The following LRRC2 variants were observed in gnomAD, a reference collection of about 807,000 sequenced individuals.
The protein encoded by LRRC2 is leucine-rich repeat-containing protein 2.
In LRRC2, 27 loss-of-function variants were observed where a neutral mutation model predicts 40.2. That is an observed-to-expected ratio of 0.67 (90% CI 0.49 to 0.93). LRRC2 has a LOEUF of 0.93. LRRC2 is among the 40% of genes least tolerant of loss of function. LRRC2 has a pLI of 0.00. For missense variants in LRRC2, 402 were observed against 439.6 expected (o/e 0.91, Z 0.76); for synonymous variants, 147 against 158.9 (o/e 0.92, Z 0.56).
chr3:46,522,421 AAACG>A (rs1014430194), intron 7 of LRRC2, among the ~76,000 whole-genome samples: 6 of 118,342 alleles, frequency 5.1e-5, no homozygotes, highest in African/African-American at 9.3e-5. Flanking sequence ...ATAAATAAAC[AAACG>A]ATAGGACAGG....
intron 5 of LRRC2, among the ~76,000 whole-genome samples, chr3:46,531,051 C>A (rs964438319): frequency 4.0e-5 from 6 of 151,730 alleles, no homozygotes; most frequent in African/African-American, 1.2e-4. Flanking sequence ...CAGGAAGATA[C>A]AAGAATCATA....
intron 2 of LRRC2, among the ~76,000 whole-genome samples, chr3:46,550,625 T>G (rs891482592): frequency 4.6e-5 from 7 of 152,166 alleles, no homozygotes; most frequent in Admixed American, 1.3e-4. Context: ...TCTCCTGACC[T>G]TGTGATCCGC....
At chr3:46,547,917 A>T (rs1704565085) in intron 2 of LRRC2, among the ~76,000 whole-genome samples, 1 of 152,180 alleles carries the variant, frequency 6.6e-6, no homozygotes, top group South Asian at 2.1e-4. Flanking sequence ...TTTAGATCTT[A>T]CTGTAGCAGT....
chr3:46,533,197 A>T (rs1323752799), intron 4 of LRRC2, among the ~76,000 whole-genome samples: 1 of 152,204 alleles, frequency 6.6e-6, no homozygotes, highest in Non-Finnish European at 1.5e-5. Flanking sequence ...ATTTTTAAAT[A>T]ACTGATTTGT....
chr3:46,564,378 C>T (rs985049774), intron 1 of LRRC2, among the ~76,000 whole-genome samples: 1 of 150,530 alleles, frequency 6.6e-6, no homozygotes, highest in Non-Finnish European at 1.5e-5. Flanking sequence ...TGTCCCCTGG[C>T]ACCAGGGCAC....
At chr3:46,544,813 G>A (rs990232040) in intron 3 of LRRC2, among the ~76,000 whole-genome samples, 2 of 152,196 alleles carry the variant, frequency 1.3e-5, no homozygotes, top group Non-Finnish European at 2.9e-5. Flanking sequence ...GGAGAGGAAC[G>A]CATCCTGAAA....
At chr3:46,557,191 A>C (rs1704823756) in intron 1 of LRRC2, among the ~76,000 whole-genome samples, 1 of 152,068 alleles carries the variant, frequency 6.6e-6, no homozygotes, top group South Asian at 2.1e-4. Flanking sequence ...TCCACCACAA[A>C]AGAAGTGTAA....
At chr3:46,523,867 C>T (rs1011972713) in intron 7 of LRRC2, among the ~76,000 whole-genome samples, 1 of 152,210 alleles carries the variant, frequency 6.6e-6, no homozygotes, top group African/African-American at 2.4e-5. Context: ...ACCCATCTAA[C>T]CACACGTCGG....
intron 1 of LRRC2, among the ~76,000 whole-genome samples, chr3:46,564,423 G>A (rs906231881): frequency 1.3e-5 from 2 of 151,456 alleles, no homozygotes; most frequent in East Asian, 1.9e-4. Flanking sequence ...CCAGGGGGAG[G>A]GGGGGTTTTC....
intron 2 of LRRC2, among the ~76,000 whole-genome samples, chr3:46,547,944 C>A (rs1348737682): frequency 1.3e-5 from 2 of 152,174 alleles, no homozygotes; most frequent in Non-Finnish European, 2.9e-5. Flanking sequence ...AAGGGGCAGA[C>A]TCTAGGTCAA....
In LRRC2 at chr3:46,539,063, G is replaced by T; in HGVS notation, c.472C>A (p.His158Asn). 6.2e-7 allele frequency: 1 copy of T among 1,613,852 alleles called. No homozygotes were observed. Among genetic ancestry groups the T allele is most frequent in the Non-Finnish European group, 8.5e-7 (1 of 1,179,916 alleles). Residue 158 changes from histidine (H) to asparagine (N), a missense_variant, in exon 4 of 9, where the codon CAT becomes AAT. Physicochemically the swap from His to Asn is moderately conservative, Grantham distance 68. Coordinates refer to ENST00000395905, the MANE Select transcript of LRRC2 (RefSeq NM_024512.5). The part of the protein sequence containing the change: ...ILDLPKNQIS[H>N]LPAEIGCLKN... ...GACATACCGATTTCTGCTGGAAGATGTGAGATTTGGTTTTTTGGCAGATCC... is the reference window on the plus strand; with the variant it reads ...GACATACCGATTTCTGCTGGAAGATTTGAGATTTGGTTTTTTGGCAGATCC...
intron 6 of LRRC2, among the ~76,000 whole-genome samples, chr3:46,528,478 G>A (rs1338359744): frequency 1.3e-5 from 2 of 152,026 alleles, no homozygotes; most frequent in African/African-American, 4.8e-5. Flanking sequence ...CTCTCATTAC[G>A]TCTTCCAACT....
intron 4 of LRRC2, among the ~76,000 whole-genome samples, chr3:46,533,706 C>CTTCCTTCG (rs1553612468): frequency 1.4e-5 from 1 of 70,704 alleles, no homozygotes; most frequent in African/African-American, 5.1e-5. Flanking sequence ...TCACAGTTTC[C>CTTCCTTCG]TTCCTTCCTT....
chr3:46,522,416 T>TAAACAAAC (rs71098410), intron 7 of LRRC2, among the ~76,000 whole-genome samples: 1 of 145,986 alleles, frequency 6.8e-6, no homozygotes, highest in African/African-American at 2.6e-5. Flanking sequence ...AATAAATAAA[T>TAAACAAAC]AAACAAACGA....
At chr3:46,554,267 CACCT>C (rs879829343) in intron 1 of LRRC2, among the ~76,000 whole-genome samples, 56,736 of 151,170 alleles carry the variant, frequency 0.38, 10,980 homozygotes, top group East Asian at 0.63. Flanking sequence ...GCAATCCACC[CACCT>C]AGGCCTCCCA....
chr3:46,516,929 T>A lies in LRRC2; in HGVS notation c.*2085A>T, dbSNP rs1703871554. The A allele has an allele frequency of 6.6e-6, 1 of 152,252 alleles. No homozygotes were observed. Among genetic ancestry groups the A allele is most frequent in the African/African-American group, 2.4e-5 (1 of 41,460 alleles). The allele number at this position is 152,252 out of a possible 1,614,324, so 9.4% of individuals were successfully genotyped here. A position where few individuals can be genotyped will look rare whatever the true frequency, so the allele number is the denominator to read the frequency against. ...CATAAATGCTTTGGACTGATCACCCTGCCATTTAGTGCTTCTTCCTTTAGA... is the reference window on the plus strand; with the variant it reads ...CATAAATGCTTTGGACTGATCACCCAGCCATTTAGTGCTTCTTCCTTTAGA... On this transcript the variant is annotated 3_prime_UTR_variant, in exon 9 of 9. Coordinates refer to ENST00000395905, the MANE Select transcript of LRRC2 (RefSeq NM_024512.5).
At chr3:46,520,918 A>G (rs142401958) in intron 8 of LRRC2, among the ~76,000 whole-genome samples, 202 of 152,308 alleles carry the variant, frequency 1.3e-3, no homozygotes, top group African/African-American at 4.7e-3. Flanking sequence ...TAAGGCTTCC[A>G]GAACACCATT....
chr3:46,532,686 T>C (rs1704182728), intron 5 of LRRC2, 87 bp downstream of exon 5: 9 of 1,313,468 alleles, frequency 6.9e-6, no homozygotes, highest in Non-Finnish European at 8.5e-6. Context: ...AGATTTCATA[T>C]GTTAAAACTT....
intron 1 of LRRC2, among the ~76,000 whole-genome samples, chr3:46,562,095 G>A (rs912374308): frequency 1.3e-5 from 2 of 152,210 alleles, no homozygotes; most frequent in African/African-American, 4.8e-5. Context: ...GCTAGACTTA[G>A]TGACTCACTT....
Sources: gnomAD v4.1 joint callset for allele counts (sites outside exome capture counted in the v4.1 genomes callset) on GRCh38, gnomAD v4.1.1 for gene constraint, MANE v1.5 for transcripts, NCBI Gene and HGNC (gene_info 2026-07-23, HGNC 2026-07-21) for gene names.